LRRC4C: variants seen among roughly 807,000 people sequenced by gnomAD.
LRRC4C encodes the protein leucine-rich repeat-containing protein 4C.
LRRC4C carries 5 observed loss-of-function variants against 33.6 expected under a neutral mutation model. That is an observed-to-expected ratio of 0.15 (90% confidence interval 0.08 to 0.31). LRRC4C has a LOEUF of 0.31. LRRC4C is among the 10% of genes least tolerant of loss of function. The probability of loss-of-function intolerance (pLI) is 1.00; values close to 1 mark genes in which losing one functional copy is unlikely to be tolerated. For missense variants in LRRC4C, 560 were observed against 796.7 expected (o/e 0.70, Z 3.58); for synonymous variants, 329 against 302.0 (o/e 1.09, Z -0.93).
chr11:40,547,696 A>G (rs1956980328), intron 3 of LRRC4C, among the ~76,000 whole-genome samples: 3 of 152,134 alleles, frequency 2.0e-5, no homozygotes, highest in Non-Finnish European at 4.4e-5. Flanking sequence ...ACCCTATAGG[A>G]CATAAAATGC....
At chr11:41,296,993 A>C (rs772472417) in intron 1 of LRRC4C, among the ~76,000 whole-genome samples, 9 of 152,158 alleles carry the variant, frequency 5.9e-5, no homozygotes, top group South Asian at 4.1e-4. Context: ...ATTTTATTCC[A>C]TTGATTATAA....
intron 1 of LRRC4C, among the ~76,000 whole-genome samples, chr11:41,163,433 G>T (rs892537537): frequency 1.3e-5 from 2 of 150,126 alleles, no homozygotes; most frequent in Non-Finnish European, 3.0e-5. Flanking sequence ...ACAGGTGTCT[G>T]CCATCACACC....
chr11:40,683,078 A>G (rs1344159458), intron 2 of LRRC4C, among the ~76,000 whole-genome samples: 1 of 152,228 alleles, frequency 6.6e-6, no homozygotes, highest in East Asian at 1.9e-4. Flanking sequence ...CGAGGAGAAT[A>G]CAAGGAAGAA....
At chr11:40,950,693 A>G (rs926448529) in intron 1 of LRRC4C, among the ~76,000 whole-genome samples, 9 of 152,082 alleles carry the variant, frequency 5.9e-5, no homozygotes, top group African/African-American at 1.2e-4. Context: ...ATAACAAATA[A>G]TACTTAATTG....
At chr11:40,805,412 T>C (rs935204300) in intron 2 of LRRC4C, among the ~76,000 whole-genome samples, 1 of 152,222 alleles carries the variant, frequency 6.6e-6, no homozygotes, top group African/African-American at 2.4e-5. Context: ...GAATTTTCAA[T>C]TGTGACAGCC....
chr11:40,478,364 T>G (rs1953357752), intron 3 of LRRC4C, among the ~76,000 whole-genome samples: 1 of 152,194 alleles, frequency 6.6e-6, no homozygotes, highest in African/African-American at 2.4e-5. Context: ...TGGCAAGAAC[T>G]TATACTTGAC....
chr11:40,680,219 G>T (rs1944615790), intron 2 of LRRC4C, among the ~76,000 whole-genome samples: 1 of 152,124 alleles, frequency 6.6e-6, no homozygotes, highest in African/African-American at 2.4e-5. Context: ...AAATACCTGT[G>T]TCCCCATTGT....
At chr11:40,615,238 T>TTATATATATATA (rs756021420) in intron 3 of LRRC4C, among the ~76,000 whole-genome samples, 5,899 of 86,974 alleles carry the variant, frequency 0.068, 204 homozygotes, top group Middle Eastern at 0.097. Flanking sequence ...TTGATTTATT[T>TTATATATATATA]TATATATATA....
At chr11:41,455,471 C>T (rs570116694) in intron 1 of LRRC4C, among the ~76,000 whole-genome samples, 1 of 152,232 alleles carries the variant, frequency 6.6e-6, no homozygotes, top group Admixed American at 6.6e-5. Context: ...ACGACACATA[C>T]ACATATTCAC....
At chr11:41,235,507 T>G (rs571980021) in intron 1 of LRRC4C, among the ~76,000 whole-genome samples, 1 of 152,214 alleles carries the variant, frequency 6.6e-6, no homozygotes, top group African/African-American at 2.4e-5. Flanking sequence ...ACATTAAAAA[T>G]TATACATTTG....
intron 2 of LRRC4C, among the ~76,000 whole-genome samples, chr11:40,706,376 T>C (rs1946169007): frequency 6.6e-6 from 1 of 152,192 alleles, no homozygotes. Context: ...CATCTTGAAT[T>C]AATTTTTGTA....
intron 3 of LRRC4C, among the ~76,000 whole-genome samples, chr11:40,491,362 AACAC>A (rs147565537): frequency 0.026 from 3,940 of 152,246 alleles, 170 homozygotes; most frequent in African/African-American, 0.089. Flanking sequence ...TTAGCAGCTT[AACAC>A]AACACACATT....
At chr11:41,328,840 T>A (rs1165324564) in intron 1 of LRRC4C, among the ~76,000 whole-genome samples, 1 of 152,220 alleles carries the variant, frequency 6.6e-6, no homozygotes, top group Non-Finnish European at 1.5e-5. Flanking sequence ...TTTTCTCATG[T>A]AATCTTCTGA....
chr11:40,924,961 A>G (rs1291876059), intron 2 of LRRC4C, among the ~76,000 whole-genome samples: 1 of 152,184 alleles, frequency 6.6e-6, no homozygotes, highest in Admixed American at 6.5e-5. Context: ...CATTTTTGAA[A>G]GGCGCAGAAA....
rs569301284 is a variant in LRRC4C, at chr11:41,222,932, A to T, written c.-496+236499T>A. On this transcript the variant is annotated intron_variant, in intron 1 of 6. Coordinates refer to ENST00000528697, the MANE Select transcript of LRRC4C (RefSeq NM_001258419.2). ...TACTCCACATTAGACGGTCTTGAAC[A>T]AATTATTAATTCTCTTTGAGCCTCA... The T allele has an allele frequency of 3.3e-5, 5 of 152,164 alleles. No homozygotes were observed. The South Asian group carries it at 1.0e-3, about 32-fold the overall frequency. 9.4% of individuals were successfully genotyped at this position (152,164 alleles called of 1,614,324 possible).
intron 1 of LRRC4C, among the ~76,000 whole-genome samples, chr11:41,420,209 T>C (rs1161366724): frequency 2.0e-5 from 3 of 151,950 alleles, no homozygotes; most frequent in Non-Finnish European, 4.4e-5. Flanking sequence ...CTCTTATGAA[T>C]GTCTACATCA....
chr11:41,373,738 T>G (rs867319986), intron 1 of LRRC4C, among the ~76,000 whole-genome samples: 8 of 152,238 alleles, frequency 5.3e-5, no homozygotes, highest in African/African-American at 1.9e-4. Flanking sequence ...TATGAATGTA[T>G]AGGATCCATG....
chr11:40,794,213 A>G (rs1950735137), intron 2 of LRRC4C, among the ~76,000 whole-genome samples: 2 of 152,122 alleles, frequency 1.3e-5, no homozygotes, highest in South Asian at 2.1e-4. Context: ...GGAATCTTCT[A>G]TTAGTTGAAT....
chr11:40,837,108 A>G (rs911693099), intron 2 of LRRC4C, among the ~76,000 whole-genome samples: 3 of 152,166 alleles, frequency 2.0e-5, no homozygotes, highest in African/African-American at 7.2e-5. Flanking sequence ...GTTATTGTAC[A>G]TTTAGTAGTA....
Sources: gnomAD v4.1 joint callset for allele counts (sites outside exome capture counted in the v4.1 genomes callset) on GRCh38, gnomAD v4.1.1 for gene constraint, MANE v1.5 for transcripts, NCBI Gene and HGNC (gene_info 2026-07-23, HGNC 2026-07-21) for gene names.